The following BBX variants were observed in gnomAD, a reference collection of about 807,000 sequenced individuals.
BBX encodes the protein BBX high mobility group box domain containing, also known as HMG box transcription factor BBX.
BBX carries 30 observed loss-of-function variants against 100.2 expected under a neutral mutation model. That is an observed-to-expected ratio of 0.30 (90% CI 0.22 to 0.41). BBX has a LOEUF of 0.41. Ranked by LOEUF, BBX falls within the 10% of genes least tolerant of loss-of-function variation. The probability of loss-of-function intolerance (pLI) is 1.00; values close to 1 mark genes in which losing one functional copy is unlikely to be tolerated. For missense variants in BBX, 1,023 were observed against 1,129.8 expected, an observed-to-expected ratio of 0.91 and a Z score of 1.35; for synonymous variants, 376 against 388.1, an observed-to-expected ratio of 0.97 and a Z score of 0.37.
At chr3:107,542,259 C>T (rs932844224) in intron 2 of BBX, among the ~76,000 whole-genome samples, 12 of 152,056 alleles carry the variant, frequency 7.9e-5, no homozygotes, top group African/African-American at 2.9e-4. Flanking sequence ...TCCAGAACTT[C>T]TATTTATTTA....
At chr3:107,675,800 G>C (rs1277076849) in intron 3 of BBX, among the ~76,000 whole-genome samples, 1 of 152,174 alleles carries the variant, frequency 6.6e-6, no homozygotes, top group African/African-American at 2.4e-5. Flanking sequence ...TTTAACTCCT[G>C]TGGGTCTTTT....
chr3:107,592,078 C>G (rs1047251285), intron 2 of BBX, among the ~76,000 whole-genome samples: 2 of 150,844 alleles, frequency 1.3e-5, no homozygotes, highest in Non-Finnish European at 3.0e-5. Flanking sequence ...GAGATTAACC[C>G]CATCAAGAAG....
intron 8 of BBX, 88 bp from the exon 9 acceptor site, chr3:107,747,877 T>C (rs1308565507): frequency 9.5e-7 from 1 of 1,053,220 alleles, no homozygotes; most frequent in Admixed American, 2.1e-5. Context: ...TCTTTATCAG[T>C]GTCTACAGTT....
chr3:107,605,238 C>G (rs113595027), intron 2 of BBX, among the ~76,000 whole-genome samples: 535 of 152,264 alleles, frequency 3.5e-3, no homozygotes, highest in Non-Finnish European at 6.3e-3. Flanking sequence ...AAGCCTAGAA[C>G]CCCAATCTAA....
chr3:107,541,618 G>T (rs905892767), intron 2 of BBX, among the ~76,000 whole-genome samples: 3 of 152,012 alleles, frequency 2.0e-5, no homozygotes, highest in Non-Finnish European at 2.9e-5. Flanking sequence ...GGTGTATGTT[G>T]GGATTTGTAA....
chr3:107,576,558 G>A (rs1037413896), intron 2 of BBX, among the ~76,000 whole-genome samples: 1 of 152,134 alleles, frequency 6.6e-6, no homozygotes, highest in Non-Finnish European at 1.5e-5. Flanking sequence ...TATATTACAT[G>A]TGTGTGAAAG....
At chr3:107,584,378 C>T (rs2052655999) in intron 2 of BBX, among the ~76,000 whole-genome samples, 1 of 148,226 alleles carries the variant, frequency 6.7e-6, no homozygotes, top group Non-Finnish European at 1.5e-5. Context: ...GTTTTGCACA[C>T]ATTTTAGAAT....
intron 2 of BBX, among the ~76,000 whole-genome samples, chr3:107,642,257 C>T (rs2107772134): frequency 6.6e-6 from 1 of 152,296 alleles, no homozygotes; most frequent in East Asian, 1.9e-4. Context: ...TTTTTGACTA[C>T]AAACACAACT....
intron 2 of BBX, among the ~76,000 whole-genome samples, chr3:107,575,790 A>G (rs1284279771): frequency 3.3e-5 from 5 of 152,182 alleles, no homozygotes; most frequent in African/African-American, 7.2e-5. Context: ...GTAAATAGCA[A>G]GTTTTCTAAA....
At chr3:107,531,413 G>A (rs2048152661) in intron 2 of BBX, among the ~76,000 whole-genome samples, 1 of 152,000 alleles carries the variant, frequency 6.6e-6, no homozygotes, top group African/African-American at 2.4e-5. Flanking sequence ...TGCACAATGG[G>A]TATGGTAATG....
chr3:107,611,220 A>G lies in BBX; in HGVS notation c.-83-34616A>G, dbSNP rs576476857. Among the ~76,000 whole-genome samples, 5 of 151,948 alleles carry G rather than the reference A, an allele frequency of 3.3e-5. 1 individual carries two copies. The highest frequency in any genetic ancestry group is 9.6e-5 in the African/African-American group (4 of 41,452). ...GATGCATGTCTTGAAAAGTTGTTGT[A>G]TTTTTCATCACTTTATCGTTTTGTC... On this transcript the variant is annotated intron_variant, in intron 2 of 17. Coordinates refer to ENST00000325805, the MANE Select transcript of BBX (RefSeq NM_001142568.3).
rs1266191832 is a variant in BBX at position 107,805,356 on chromosome 3, C to T, written c.2739-14C>T. On this transcript the variant is annotated splice_polypyrimidine_tract_variant and intron_variant, in intron 17 of 17. Transcript: ENST00000325805. Reference sequence around the variant, plus strand: ...ATGCTGAATAAGTGACTTTTTCTTCCTTTTATTTTACAGAGGTCAGAGGTC... The same window carrying T: ...ATGCTGAATAAGTGACTTTTTCTTCTTTTTATTTTACAGAGGTCAGAGGTC... 1 of 1,600,142 alleles carries T rather than the reference C, an allele frequency of 6.2e-7. No homozygotes were observed.
intron 3 of BBX, among the ~76,000 whole-genome samples, chr3:107,680,591 C>G (rs2059521315): frequency 6.6e-6 from 1 of 152,072 alleles, no homozygotes; most frequent in African/African-American, 2.4e-5. Context: ...CCACTGAAAC[C>G]ACTATTTATG....
At chr3:107,569,352 GTCTT>G (rs1466910428) in intron 2 of BBX, among the ~76,000 whole-genome samples, 3 of 151,664 alleles carry the variant, frequency 2.0e-5, no homozygotes, top group South Asian at 4.2e-4. Context: ...ATTCTTGACT[GTCTT>G]TCTTATTTAG....
At chr3:107,653,151 C>T (rs1486640686) in intron 3 of BBX, among the ~76,000 whole-genome samples, 1 of 152,164 alleles carries the variant, frequency 6.6e-6, no homozygotes. Flanking sequence ...ATTACGGTCT[C>T]TTTGTGCCTT....
chr3:107,541,809 C>G (rs1223697163), intron 2 of BBX, among the ~76,000 whole-genome samples: 1 of 151,602 alleles, frequency 6.6e-6, no homozygotes, highest in Non-Finnish European at 1.5e-5. Flanking sequence ...GAAGTATAAG[C>G]AAATTCTATA....
intron 2 of BBX, among the ~76,000 whole-genome samples, chr3:107,566,175 C>CA (rs754905445): frequency 0.2 from 10,720 of 52,774 alleles, 2,463 homozygotes; most frequent in East Asian, 0.85. Context: ...AACTCTGTCT[C>CA]AAAAAAAAAA....
chr3:107,689,829 T>G (rs184152082), intron 3 of BBX, among the ~76,000 whole-genome samples: 137 of 152,326 alleles, frequency 9.0e-4, no homozygotes, highest in Non-Finnish European at 1.7e-3. Context: ...TACAATCAGA[T>G]GGAAGAAAGT....
chr3:107,648,385 C>A (rs909712095), intron 3 of BBX, among the ~76,000 whole-genome samples: 1 of 151,944 alleles, frequency 6.6e-6, no homozygotes, highest in Non-Finnish European at 1.5e-5. Context: ...GCAAACTGGA[C>A]CCTCTGTAAT....
Sources: gnomAD v4.1 joint callset for allele counts (sites outside exome capture counted in the v4.1 genomes callset) on GRCh38, gnomAD v4.1.1 for gene constraint, MANE v1.5 for transcripts, NCBI Gene and HGNC (gene_info 2026-07-23, HGNC 2026-07-21) for gene names.